The following CTNNA3 variants were observed in gnomAD, a reference collection of about 807,000 sequenced individuals.
CTNNA3 encodes catenin alpha 3.
Under a neutral mutation model 95.7 loss-of-function variants are expected in CTNNA3, and 76 were observed. The ratio of observed to expected loss-of-function variants is 0.79; its 90% CI spans 0.66 to 0.96. The LOEUF (loss-of-function observed/expected upper bound fraction) is 0.96. Among genes scored for constraint, CTNNA3 ranks in the 40% least tolerant of loss-of-function variants. The probability of loss-of-function intolerance (pLI) is 0.00; values close to 1 mark genes in which losing one functional copy is unlikely to be tolerated. For synonymous variants in CTNNA3, 431 were observed against 374.4 expected (o/e 1.15, Z -1.74); for missense variants, 1,191 against 1,089.8 (o/e 1.09, Z -1.31).
intron 3 of CTNNA3, among the ~76,000 whole-genome samples, chr10:67,554,382 A>C (rs1254703079): frequency 2.6e-5 from 4 of 152,164 alleles, no homozygotes; most frequent in Non-Finnish European, 5.9e-5. Context: ...AACAGTGTAA[A>C]AGTGTTCCTA....
intron 5 of CTNNA3, among the ~76,000 whole-genome samples, chr10:67,388,097 C>G (rs372324745): frequency 1.4e-5 from 2 of 145,414 alleles, no homozygotes; most frequent in Non-Finnish European, 3.0e-5. Context: ...AGGCTTCAGA[C>G]GATCAAATTA....
At chr10:66,848,007 G>T (rs10762115) in intron 7 of CTNNA3, among the ~76,000 whole-genome samples, 58,947 of 151,884 alleles carry the variant, frequency 0.39, 12,237 homozygotes, top group East Asian at 0.55. Flanking sequence ...GAGATTAGGG[G>T]AGGAAACGAG....
chr10:67,341,144 T>C (rs2620931), intron 5 of CTNNA3, among the ~76,000 whole-genome samples: 140,169 of 152,208 alleles, frequency 0.92, 64,921 homozygotes, highest in East Asian at 1. Context: ...AATCACATCA[T>C]GGAGGATGGG....
intron 7 of CTNNA3, among the ~76,000 whole-genome samples, chr10:67,028,466 G>A (rs1231941303): frequency 6.6e-6 from 1 of 151,808 alleles, no homozygotes; most frequent in East Asian, 1.9e-4. Context: ...AATCTAGAAG[G>A]TAGTACTTGA....
At chr10:67,329,467 T>C (rs1841690198) in intron 5 of CTNNA3, among the ~76,000 whole-genome samples, 1 of 152,224 alleles carries the variant, frequency 6.6e-6, no homozygotes, top group Non-Finnish European at 1.5e-5. Context: ...AGTTTTACCT[T>C]GATACTTGTA....
chr10:66,328,947 T>G (rs2092292099), intron 12 of CTNNA3, among the ~76,000 whole-genome samples: 1 of 130,262 alleles, frequency 7.7e-6, no homozygotes, highest in African/African-American at 2.8e-5. Context: ...CACACACATA[T>G]AAATATAATT....
At chr10:66,716,192 G>A (rs745934491) in intron 9 of CTNNA3, among the ~76,000 whole-genome samples, 7 of 152,032 alleles carry the variant, frequency 4.6e-5, no homozygotes, top group East Asian at 1.9e-4. Flanking sequence ...TATACTTATC[G>A]TGTACAAATG....
intron 7 of CTNNA3, among the ~76,000 whole-genome samples, chr10:67,146,748 C>T (rs1860865451): frequency 6.6e-6 from 1 of 152,140 alleles, no homozygotes. Context: ...TTTCTGGAAA[C>T]ATCATGTACT....
At position 66,343,697 on chromosome 10, in the gene CTNNA3, T is replaced by C. The variant is rs564663525; in HGVS notation, c.1732+35455A>G. On this transcript the variant is annotated intron_variant, in intron 12 of 17. Coordinates refer to ENST00000433211, the MANE Select transcript of CTNNA3 (RefSeq NM_013266.4). ...GATGACTCTAGTTAACAATAATATA[T>C]AGTTTCAAATAGCTAGAAGTGGATA... Among the ~76,000 whole-genome samples, 5 of 152,008 alleles carry C rather than the reference T, an allele frequency of 3.3e-5. No homozygotes were observed. The South Asian group carries it at 1.0e-3, about 32-fold the overall frequency.
At chr10:67,357,788 G>T (rs1043873360) in intron 5 of CTNNA3, among the ~76,000 whole-genome samples, 1 of 151,878 alleles carries the variant, frequency 6.6e-6, no homozygotes, top group African/African-American at 2.4e-5. Flanking sequence ...GAGGGTATGA[G>T]CACCACCATA....
rs769600484 is a variant in CTNNA3, at chr10:66,927,485, A to G, written c.1048-151961T>C. The G allele has an allele frequency of 6.2e-7, 1 of 1,614,148 alleles. No homozygotes were observed. The highest frequency in any genetic ancestry group is 8.5e-7 in the Non-Finnish European group (1 of 1,180,044). On this transcript the variant is annotated intron_variant, in intron 7 of 17. Transcript: ENST00000433211. This position sits in a 1 kb window ranked among gnomAD's most constrained non-coding sequence, Gnocchi z 4.7. ...AACCTGGAACTTTTGGACCTGGGAT[A>G]TAACCGGATCCGAAGTTTAGCCAGG...
chr10:66,443,161 G>A (rs1346935988), intron 11 of CTNNA3, among the ~76,000 whole-genome samples: 1 of 152,174 alleles, frequency 6.6e-6, no homozygotes. Flanking sequence ...CAGCGGGGAA[G>A]CTCGAACTGG....
At chr10:67,029,016 T>C (rs940450543) in intron 7 of CTNNA3, among the ~76,000 whole-genome samples, 1 of 152,208 alleles carries the variant, frequency 6.6e-6, no homozygotes, top group Non-Finnish European at 1.5e-5. Flanking sequence ...GTTTTCTCTG[T>C]GCTTTCCATT....
intron 3 of CTNNA3, among the ~76,000 whole-genome samples, chr10:67,564,517 T>C (rs1841673826): frequency 7.8e-6 from 1 of 127,592 alleles, no homozygotes; most frequent in South Asian, 3.4e-4. Context: ...GGGGGATGGA[T>C]AGCACTGGGA....
At chr10:67,645,191 G>A (rs543941953) in intron 2 of CTNNA3, among the ~76,000 whole-genome samples, 1,927 of 140,592 alleles carry the variant, frequency 0.014, 44 homozygotes, top group African/African-American at 0.053. Flanking sequence ...GTGCACGTGC[G>A]CGCACACACA....
In CTNNA3 at chr10:66,653,948, C is replaced by T. The variant is rs60310462; in HGVS notation, c.1282-32164G>A. 9.0e-3 allele frequency among the ~76,000 whole-genome samples: 1,376 copies of T among 152,084 alleles called. 24 individuals carry two copies. Among genetic ancestry groups the T allele is most frequent in the African/African-American group, 0.031 (1,308 of 41,524 alleles). Reference sequence around the variant, plus strand: ...CTTTTCACACACCATATGTAAAAATCAACTCAAAATGGATTAAAGATGTAA... The same window carrying T: ...CTTTTCACACACCATATGTAAAAATTAACTCAAAATGGATTAAAGATGTAA... On this transcript the variant is annotated intron_variant, in intron 9 of 17. Transcript: ENST00000433211.
intron 11 of CTNNA3, among the ~76,000 whole-genome samples, chr10:66,384,254 C>A (rs2092869162): frequency 6.6e-6 from 1 of 151,994 alleles, no homozygotes; most frequent in Non-Finnish European, 1.5e-5. Flanking sequence ...GGAGGAAGAT[C>A]TACCAAGCAA....
At chr10:66,114,817 T>G (rs1032750094) in intron 13 of CTNNA3, among the ~76,000 whole-genome samples, 1 of 150,674 alleles carries the variant, frequency 6.6e-6, no homozygotes, top group Non-Finnish European at 1.5e-5. Flanking sequence ...AGGCAGAGGT[T>G]GCCATGAGCC....
At chr10:66,144,332 T>C (rs1177429256) in intron 13 of CTNNA3, among the ~76,000 whole-genome samples, 1 of 152,182 alleles carries the variant, frequency 6.6e-6, no homozygotes, top group Non-Finnish European at 1.5e-5. Context: ...AATTTATACA[T>C]GTATTGCTTA....
Sources: allele counts gnomAD v4.1 joint callset (sites outside exome capture counted in the v4.1 genomes callset), GRCh38; gene constraint gnomAD v4.1.1; non-coding constraint Gnocchi (gnomAD v3.1); transcripts MANE v1.5; gene names NCBI Gene and HGNC (gene_info 2026-07-23, HGNC 2026-07-21).